ZNF536: variants seen among roughly 807,000 people sequenced by gnomAD.
The protein encoded by ZNF536 is zinc finger protein 536.
In ZNF536, 13 loss-of-function variants were observed where a neutral mutation model predicts 84.5. The observed-to-expected ratio is 0.15, with a 90% CI of 0.10 to 0.24. The LOEUF is 0.24. ZNF536 is among the 10% of genes least tolerant of loss of function. ZNF536 has a pLI of 1.00. For missense variants in ZNF536, 1,536 were observed against 1,747.5 expected (o/e 0.88, Z 2.16); for synonymous variants, 811 against 742.5 (o/e 1.09, Z -1.50).
intron 1 of ZNF536, among the ~76,000 whole-genome samples, chr19:30,274,516 C>A (rs2026021621): frequency 6.6e-6 from 1 of 152,190 alleles, no homozygotes; most frequent in African/African-American, 2.4e-5. Flanking sequence ...TTTGGACTGG[C>A]CAGATTTCAA....
chr19:30,441,079 A>G (rs927386946), intron 1 of ZNF536, among the ~76,000 whole-genome samples: 1 of 152,220 alleles, frequency 6.6e-6, no homozygotes, highest in African/African-American at 2.4e-5. Context: ...CATGCCCCTC[A>G]TCCAAGCTGA....
At chr19:30,533,502 A>G (rs981531206) in intron 2 of ZNF536, among the ~76,000 whole-genome samples, 2 of 151,970 alleles carry the variant, frequency 1.3e-5, no homozygotes, top group Non-Finnish European at 2.9e-5. Context: ...CTTGGGTGAC[A>G]AAATGAGACG....
chr19:30,556,919 A>T, intron 4 of ZNF536: 2 of 455,104 alleles, frequency 4.4e-6, no homozygotes, highest in East Asian at 6.4e-5. Context: ...ATAAGCAGTA[A>T]TTATCTCCTA....
rs1025164939 is a variant in ZNF536, at chr19:30,359,665, T to C, written c.-3+7181T>C. 2.6e-5 allele frequency among the ~76,000 whole-genome samples: 4 copies of C among 152,146 alleles called. No homozygotes were observed. In the East Asian group the frequency reaches 5.8e-4, roughly 22 times the overall value. On this transcript the variant is annotated intron_variant, in intron 3 of 5. Transcript: ENST00000585628. ...GGGGATGAGGGAGGGGATGGCCAAG[T>C]TCCATCCTTGTGGGCAGTTGGACGA... is the stretch of plus-strand genomic sequence containing the variant.
At chr19:30,518,600 C>T (rs1431236674) in intron 2 of ZNF536, among the ~76,000 whole-genome samples, 1 of 152,180 alleles carries the variant, frequency 6.6e-6, no homozygotes, top group Non-Finnish European at 1.5e-5. Context: ...TGCGTGTGTA[C>T]GCAGCACCGC....
chr19:30,261,206 G>C (rs1036511761), intron 1 of ZNF536, among the ~76,000 whole-genome samples: 1 of 144,774 alleles, frequency 6.9e-6, no homozygotes, highest in Admixed American at 7.2e-5. Context: ...GCTGAGGCAG[G>C]AGAATGGCGT....
At chr19:30,646,524 C>T (rs1480257331) in intron 1 of ZNF536, among the ~76,000 whole-genome samples, 1 of 152,198 alleles carries the variant, frequency 6.6e-6, no homozygotes, top group Non-Finnish European at 1.5e-5. Flanking sequence ...TGCATGAAGC[C>T]ATCGGTGTGT....
chr19:30,516,738 A>G (rs1014589008), intron 2 of ZNF536, among the ~76,000 whole-genome samples: 1 of 152,204 alleles, frequency 6.6e-6, no homozygotes, highest in African/African-American at 2.4e-5. Flanking sequence ...GCAGCATGTC[A>G]TTGTATAGAA....
At chr19:30,607,888 G>A (rs1477352290) in intron 1 of ZNF536, among the ~76,000 whole-genome samples, 1 of 151,924 alleles carries the variant, frequency 6.6e-6, no homozygotes, top group Non-Finnish European at 1.5e-5. Flanking sequence ...CACTTAAACA[G>A]AATGAGGCAG....
chr19:30,597,224 G>A (rs184296081), intron 1 of ZNF536, among the ~76,000 whole-genome samples: 32 of 152,292 alleles, frequency 2.1e-4, no homozygotes, highest in East Asian at 1.3e-3. Flanking sequence ...TGACTGAGTC[G>A]CTGCTATTTA....
chr19:30,593,114 C>A (rs1298933847), intron 1 of ZNF536, among the ~76,000 whole-genome samples: 1 of 152,116 alleles, frequency 6.6e-6, no homozygotes, highest in Non-Finnish European at 1.5e-5. Context: ...TGTGTGAAAA[C>A]CATCAAACTG....
Position 30,398,185 on chromosome 19 carries a change from C to T in ZNF536, c.-3+25629C>T, listed in dbSNP as rs1412684856. ...GTCATTTGATCACGTCTGTAGATTC[C>T]GTAACCACTGCCTTTATTATGACAC... is the stretch of plus-strand genomic sequence containing the variant. On this transcript the variant is annotated intron_variant, in intron 1 of 4. Transcript: ENST00000355537. 2.0e-5 allele frequency among the ~76,000 whole-genome samples: 3 copies of T among 152,082 alleles called. No homozygotes were observed. The South Asian group carries it at 6.2e-4, about 32-fold the overall frequency.
intron 2 of ZNF536, among the ~76,000 whole-genome samples, chr19:30,341,149 C>A (rs1426000853): frequency 1.3e-5 from 2 of 152,308 alleles, no homozygotes; most frequent in East Asian, 1.9e-4. Context: ...TTTATAACAT[C>A]GCTTAAGACC....
At chr19:30,311,358 T>C (rs535928981) in intron 2 of ZNF536, among the ~76,000 whole-genome samples, 67 of 152,292 alleles carry the variant, frequency 4.4e-4, no homozygotes, top group African/African-American at 1.5e-3. Flanking sequence ...AATATGAAGC[T>C]GTAGCATTAA....
intron 1 of ZNF536, among the ~76,000 whole-genome samples, chr19:30,603,042 G>C (rs2047744790): frequency 6.6e-6 from 1 of 152,184 alleles, no homozygotes; most frequent in Admixed American, 6.5e-5. Context: ...TGTCCAGGTG[G>C]GTCCTCCTCC....
At chr19:30,359,717 G>A (rs2048213920) in intron 3 of ZNF536, among the ~76,000 whole-genome samples, 1 of 152,170 alleles carries the variant, frequency 6.6e-6, no homozygotes, top group African/African-American at 2.4e-5. Context: ...TTGGGTAAGG[G>A]CTGCTTGGGA....
Position 30,344,440 on chromosome 19 carries a change from CA to C in ZNF536, c.-119-7907del, listed in dbSNP as rs10628847. ...GGGCAACAAGAGTGAAACTCCATCT[CA>C]AAAAAAAAAAAAAAAAAAAAGACAA... On this transcript the variant is annotated intron_variant, in intron 2 of 5. Coordinates refer to the ZNF536 transcript ENST00000585628. Among the ~76,000 whole-genome samples, 251 of 69,186 alleles carry C rather than the reference CA, an allele frequency of 3.6e-3. 1 individual carries two copies. Among genetic ancestry groups the C allele is most frequent in the African/African-American group, 0.011 (196 of 17,492 alleles). The allele number at this position is 69,186 out of a possible 152,430, so 45.4% of individuals were successfully genotyped here. A position where few individuals can be genotyped will look rare whatever the true frequency, so the allele number is the denominator to read the frequency against.
intron 1 of ZNF536, among the ~76,000 whole-genome samples, chr19:30,255,264 T>A (rs1285848805): frequency 6.6e-6 from 1 of 152,082 alleles, no homozygotes; most frequent in Non-Finnish European, 1.5e-5. Flanking sequence ...ACATATGGCT[T>A]TAGAGCTTGG....
At chr19:30,325,708 C>T (rs1480323750) in intron 2 of ZNF536, among the ~76,000 whole-genome samples, 1 of 152,228 alleles carries the variant, frequency 6.6e-6, no homozygotes, top group Non-Finnish European at 1.5e-5. Context: ...GGTGTCCAAT[C>T]TGTGGACCAT....
Sources: gnomAD v4.1 joint callset for allele counts (sites outside exome capture counted in the v4.1 genomes callset) on GRCh38, gnomAD v4.1.1 for gene constraint, MANE v1.5 for transcripts, NCBI Gene and HGNC (gene_info 2026-07-23, HGNC 2026-07-21) for gene names.